SDK1: variants seen among roughly 807,000 people sequenced by gnomAD.
SDK1 encodes the protein protein sidekick-1.
SDK1 carries 157 observed loss-of-function variants against 245.5 expected under a neutral mutation model. That is an observed-to-expected ratio of 0.64 (90% CI 0.56 to 0.73). The LOEUF (loss-of-function observed/expected upper bound fraction) is 0.73. SDK1 is among the 30% of genes least tolerant of loss of function. The probability of loss-of-function intolerance (pLI) is 0.00; values close to 1 mark genes in which losing one functional copy is unlikely to be tolerated. For synonymous variants in SDK1, 1,647 were observed against 1,278.5 expected (o/e 1.29, Z -6.15); for missense variants, 3,583 against 3,002.3 (o/e 1.19, Z -4.52).
intron 4 of SDK1, among the ~76,000 whole-genome samples, chr7:3,770,335 T>G (rs746860457): frequency 6.6e-6 from 1 of 152,212 alleles, no homozygotes; most frequent in South Asian, 2.1e-4. Context: ...ATGGTATGGA[T>G]GTACCACAGT....
At chr7:4,132,642 C>T (rs1465751062) in intron 28 of SDK1, 5 of 446,228 alleles carry the variant, frequency 1.1e-5, no homozygotes, top group East Asian at 3.9e-5. Context: ...GTGGGAGGAT[C>T]GCTTGAGCCC....
chr7:3,434,207 G>A (rs1779951988), intron 1 of SDK1, among the ~76,000 whole-genome samples: 1 of 152,124 alleles, frequency 6.6e-6, no homozygotes, highest in Admixed American at 6.5e-5. Flanking sequence ...ACTCTACCAG[G>A]CCAAAGAGTC....
chr7:3,535,125 A>T (rs1216657668), intron 1 of SDK1, among the ~76,000 whole-genome samples: 1 of 151,998 alleles, frequency 6.6e-6, no homozygotes, highest in Non-Finnish European at 1.5e-5. Flanking sequence ...AAATACAAAA[A>T]ATTAGCTGGG....
intron 17 of SDK1, among the ~76,000 whole-genome samples, chr7:4,043,099 G>A (rs1583920230): frequency 1.1e-5 from 1 of 92,276 alleles, no homozygotes; most frequent in Non-Finnish European, 2.0e-5. Flanking sequence ...AGCCCAGGTA[G>A]AGTGAGTGTC....
intron 22 of SDK1, among the ~76,000 whole-genome samples, chr7:4,109,159 G>T (rs374853888): frequency 6.6e-6 from 1 of 152,204 alleles, no homozygotes; most frequent in African/African-American, 2.4e-5. Flanking sequence ...GACACCTGTT[G>T]TCTGTTCTCT....
chr7:4,129,107 A>G (rs188108803), intron 26 of SDK1, among the ~76,000 whole-genome samples: 902 of 62,442 alleles, frequency 0.014, no homozygotes, highest in Middle Eastern at 0.018. Context: ...GTGCCCTGGA[A>G]GAGAGCAGCT....
rs142764126 is a variant in SDK1 at position 3,960,927 on chromosome 7, C to T, written c.1235-1730C>T. The stretch of plus-strand genomic sequence containing the variant: ...TCAGAAATAAGAGTATACAATACTG[C>T]GGGGGATAAGATTTCTGTTATGACA... On this transcript the variant is annotated intron_variant, in intron 8 of 44. Coordinates refer to ENST00000404826, the MANE Select transcript of SDK1 (RefSeq NM_152744.4). Among the ~76,000 whole-genome samples, 13 of 152,286 alleles carry T rather than the reference C, an allele frequency of 8.5e-5. No homozygotes were observed. The East Asian group carries it at 1.5e-3, about 18-fold the overall frequency.
Position 4,267,131 on chromosome 7 carries a change from G to A in SDK1, c.*1747G>A, listed in dbSNP as rs1016323698. 6 of 985,266 alleles carry A rather than the reference G, an allele frequency of 6.1e-6. No individual in the cohort carries two copies. Among genetic ancestry groups the A allele is most frequent in the Admixed American group, 6.2e-5 (1 of 16,244 alleles). 61.0% of individuals were successfully genotyped at this position (985,266 alleles called of 1,614,324 possible). A position where few individuals can be genotyped will look rare whatever the true frequency, so the allele number is the denominator to read the frequency against. ...GTATAGGCTGGAAAACCCCTTTTCA[G>A]TCTTTCCAAAATTAGAGGGTATGGC... is the stretch of plus-strand genomic sequence containing the variant. On this transcript the variant is annotated 3_prime_UTR_variant, in exon 45 of 45. Coordinates refer to ENST00000404826, the MANE Select transcript of SDK1 (RefSeq NM_152744.4).
intron 19 of SDK1, among the ~76,000 whole-genome samples, chr7:4,064,389 C>G (rs1779738506): frequency 6.6e-6 from 1 of 152,118 alleles, no homozygotes; most frequent in Non-Finnish European, 1.5e-5. Context: ...TTATCCCAGT[C>G]AGAATCACTA....
chr7:3,607,703 T>G (rs1242766415), intron 1 of SDK1, among the ~76,000 whole-genome samples: 1 of 152,260 alleles, frequency 6.6e-6, no homozygotes, highest in Non-Finnish European at 1.5e-5. Context: ...TTATGTGTGT[T>G]ATTTAGAAAG....
At position 4,050,930 on chromosome 7, in the gene SDK1, AC is replaced by A. The variant is rs1226749104; in HGVS notation, c.2719-707del. ...ATAGTATATATAATGTATTATATAT[AC>A]ATACATACTATACGTATATATTATA... On this transcript the variant is annotated intron_variant, in intron 18 of 44. Transcript: ENST00000404826. 9.7e-5 allele frequency among the ~76,000 whole-genome samples: 14 copies of A among 143,594 alleles called. No homozygotes were observed. The East Asian group carries it at 1.2e-3, about 12-fold the overall frequency. 94.2% of individuals were successfully genotyped at this position (143,594 alleles called of 152,430 possible). A position where few individuals can be genotyped will look rare whatever the true frequency, so the allele number is the denominator to read the frequency against.
intron 4 of SDK1, among the ~76,000 whole-genome samples, chr7:3,723,853 T>G (rs1385786951): frequency 7.1e-5 from 10 of 141,662 alleles, no homozygotes; most frequent in African/African-American, 2.6e-4. Context: ...CACGTACATA[T>G]ACATATACAC....
intron 2 of SDK1, among the ~76,000 whole-genome samples, chr7:3,634,915 G>T (rs1208448813): frequency 2.6e-5 from 4 of 152,144 alleles, no homozygotes; most frequent in African/African-American, 4.8e-5. Flanking sequence ...ACCTATTTAG[G>T]TATTGAAAAA....
intron 4 of SDK1, among the ~76,000 whole-genome samples, chr7:3,650,582 T>G (rs1583271435): frequency 6.6e-6 from 1 of 152,212 alleles, no homozygotes; most frequent in Admixed American, 6.5e-5. Flanking sequence ...AGTGTTGAGA[T>G]CTTGTTAAAC....
chr7:4,157,446 G>A (rs1429215070), intron 30 of SDK1, among the ~76,000 whole-genome samples: 1 of 55,478 alleles, frequency 1.8e-5, no homozygotes, highest in Non-Finnish European at 3.7e-5. Flanking sequence ...GAAAAGGAGG[G>A]AAGGGAGGTG....
intron 35 of SDK1, among the ~76,000 whole-genome samples, chr7:4,190,008 C>G (rs928920971): frequency 1.2e-4 from 18 of 152,158 alleles, no homozygotes; most frequent in Non-Finnish European, 2.2e-4. Context: ...AAAAGCACAG[C>G]TTCTAGCTGT....
rs113123954 is a variant in SDK1, at chr7:4,065,694, G to T, written c.2912-2144G>T. Among the ~76,000 whole-genome samples the T allele has an allele frequency of 1.5e-3, 101 of 66,626 alleles. 2 individuals are homozygous for T. The highest frequency in any genetic ancestry group is 2.0e-3 in the African/African-American group (58 of 29,162). 43.7% of individuals were successfully genotyped at this position (66,626 alleles called of 152,430 possible). A position where few individuals can be genotyped will look rare whatever the true frequency, so the allele number is the denominator to read the frequency against. On this transcript the variant is annotated intron_variant, in intron 19 of 44. Coordinates refer to ENST00000404826, the MANE Select transcript of SDK1 (RefSeq NM_152744.4). Reference sequence around the variant, plus strand: ...AGTTTCACCCAGATGAGTGGTTGTTGTTTTTTTTTTTTTTTTTTTTTTTTT... The same window carrying T: ...AGTTTCACCCAGATGAGTGGTTGTTTTTTTTTTTTTTTTTTTTTTTTTTTT...
At chr7:3,692,646 G>C (rs929630497) in intron 4 of SDK1, among the ~76,000 whole-genome samples, 1 of 151,866 alleles carries the variant, frequency 6.6e-6, no homozygotes, top group Non-Finnish European at 1.5e-5. Context: ...TAGTCTACTA[G>C]ATAATCTAGA....
chr7:3,352,143 A>C (rs1780676051), intron 1 of SDK1, among the ~76,000 whole-genome samples: 1 of 149,148 alleles, frequency 6.7e-6, no homozygotes, highest in Non-Finnish European at 1.5e-5. Flanking sequence ...TAAATATATA[A>C]ATATATATTT....
Sources: gnomAD v4.1 joint callset for allele counts (sites outside exome capture counted in the v4.1 genomes callset) on GRCh38, gnomAD v4.1.1 for gene constraint, MANE v1.5 for transcripts, NCBI Gene and HGNC (gene_info 2026-07-23, HGNC 2026-07-21) for gene names.